The following PPFIBP1 variants were observed in gnomAD, a reference collection of about 807,000 sequenced individuals.
PPFIBP1 encodes the protein PPFIB scaffold protein 1.
PPFIBP1 carries 112 observed loss-of-function variants against 137.8 expected under a neutral mutation model. The ratio of observed to expected loss-of-function variants is 0.81; its 90% CI spans 0.70 to 0.95. PPFIBP1 has a LOEUF of 0.95. Ranked by LOEUF, PPFIBP1 falls within the 40% of genes least tolerant of loss-of-function variation. The pLI is 0.00. For synonymous variants in PPFIBP1, 378 were observed against 417.3 expected (o/e 0.91, Z 1.15); for missense variants, 1,083 against 1,196.6 (o/e 0.91, Z 1.40).
rs992347046 is a variant in PPFIBP1, at chr12:27,533,126, G to A, written c.-124+8761G>A. Among the ~76,000 whole-genome samples the A allele has an allele frequency of 4.6e-5, 7 of 152,138 alleles. No individual in the cohort carries two copies. The East Asian group carries it at 1.4e-3, about 29-fold the overall frequency. ...AGCAATCCTTCTGACTCAGCCTCCC[G>A]AGTAGCTGGAACTACAGGGACATGC... On this transcript the variant is annotated intron_variant, in intron 1 of 29. Transcript: ENST00000228425.
intron 1 of PPFIBP1, chr12:27,548,090 C>G (rs1439840294): frequency 6.6e-6 from 1 of 152,154 alleles, no homozygotes; most frequent in Admixed American, 6.5e-5. Flanking sequence ...AGATCTCCAG[C>G]CTCTTGGAAG....
chr12:27,625,446 A>G (rs2056731846), intron 2 of PPFIBP1, among the ~76,000 whole-genome samples: 1 of 152,148 alleles, frequency 6.6e-6, no homozygotes, highest in Admixed American at 6.5e-5. Flanking sequence ...TCTAAAAAAT[A>G]AGGACTCAAA....
chr12:27,549,342 C>T (rs1946532662), intron 1 of PPFIBP1: 1 of 152,186 alleles, frequency 6.6e-6, no homozygotes, highest in Non-Finnish European at 1.5e-5. Context: ...TCTGACTTCT[C>T]CATCTTTCTA....
intron 17 of PPFIBP1, among the ~76,000 whole-genome samples, chr12:27,674,877 ATTATAAC>A (rs1364552947): frequency 7.1e-6 from 1 of 141,518 alleles, no homozygotes; most frequent in East Asian, 2.1e-4. Flanking sequence ...CAGTGGTGCA[ATTATAAC>A]TCACTGTAGC....
At chr12:27,536,974 G>T in intron 1 of PPFIBP1, among the ~76,000 whole-genome samples, 1 of 151,938 alleles carries the variant, frequency 6.6e-6, no homozygotes, top group East Asian at 1.9e-4. Context: ...GTAGCCTAGG[G>T]GACTCTCTTC....
At chr12:27,665,567 T>C (rs2059808565) in intron 12 of PPFIBP1, among the ~76,000 whole-genome samples, 1 of 152,190 alleles carries the variant, frequency 6.6e-6, no homozygotes, top group African/African-American at 2.4e-5. Flanking sequence ...TGCATTTTGT[T>C]GTGTTTATTA....
intron 2 of PPFIBP1, among the ~76,000 whole-genome samples, chr12:27,581,853 A>AT (rs375401961): frequency 0.017 from 2,607 of 149,608 alleles, 71 homozygotes; most frequent in African/African-American, 0.061. Context: ...TTTCTTTTCC[A>AT]TTTTTTTTTC....
intron 27 of PPFIBP1, among the ~76,000 whole-genome samples, chr12:27,690,827 G>C (rs1190823520): frequency 6.6e-6 from 1 of 151,940 alleles, no homozygotes; most frequent in Non-Finnish European, 1.5e-5. Flanking sequence ...AATGATTGAA[G>C]GTGGGCCAGA....
chr12:27,632,390 G>A (rs1445051340), intron 2 of PPFIBP1, among the ~76,000 whole-genome samples: 11 of 152,088 alleles, frequency 7.2e-5, no homozygotes, highest in African/African-American at 1.2e-4. Flanking sequence ...AGCTTTATTC[G>A]GGTCTATTGG....
intron 7 of PPFIBP1, among the ~76,000 whole-genome samples, chr12:27,652,667 C>A (rs2058944036): frequency 6.6e-6 from 1 of 152,052 alleles, no homozygotes. Context: ...TCCCAGTTTA[C>A]AATTCCATTT....
intron 4 of PPFIBP1, chr12:27,635,721 A>G (rs2057614327): frequency 6.5e-6 from 1 of 153,328 alleles, no homozygotes; most frequent in Non-Finnish European, 1.5e-5. Context: ...TTTAAAAAAA[A>G]AAAATCACAA....
In PPFIBP1 at chr12:27,562,397, T is replaced by G. The variant is rs79191576; in HGVS notation, c.-123-15755T>G. On this transcript the variant is annotated intron_variant, in intron 1 of 29. Coordinates refer to ENST00000228425, the MANE Select transcript of PPFIBP1 (RefSeq NM_003622.4). ...CATTATATCAGGACTAATATTACAT[T>G]GTATGGCTATTTTTGTAATTTTTAC... 2.4e-4 allele frequency among the ~76,000 whole-genome samples: 36 copies of G among 152,382 alleles called. 1 individual carries two copies. In the East Asian group the frequency reaches 6.9e-3, roughly 29 times the overall value.
chr12:27,526,615 C>T (rs1489111140), intron 1 of PPFIBP1, among the ~76,000 whole-genome samples: 2 of 152,130 alleles, frequency 1.3e-5, no homozygotes, highest in Non-Finnish European at 2.9e-5. Flanking sequence ...ACGCAGATCA[C>T]CTGAGGTCAG....
intron 26 of PPFIBP1, 113 bp downstream of exon 26, chr12:27,688,536 C>A: frequency 7.8e-7 from 1 of 1,280,716 alleles, no homozygotes; most frequent in Non-Finnish European, 1.1e-6. Flanking sequence ...CTCAACCCTC[C>A]TGCCCTATTT....
intron 2 of PPFIBP1, among the ~76,000 whole-genome samples, chr12:27,606,740 G>A (rs565632613): frequency 6.6e-6 from 1 of 152,290 alleles, no homozygotes; most frequent in East Asian, 1.9e-4. Context: ...GAATCTTAGA[G>A]TACAAAATGT....
intron 1 of PPFIBP1, among the ~76,000 whole-genome samples, chr12:27,537,811 T>C (rs558907487): frequency 1.1e-4 from 16 of 152,178 alleles, no homozygotes; most frequent in Non-Finnish European, 1.9e-4. Flanking sequence ...TTGGGTTTAC[T>C]CTTAAGGCAG....
At chr12:27,672,527 G>A (rs2060263775) in intron 15 of PPFIBP1, 44 bp downstream of exon 15, 2 of 1,412,246 alleles carry the variant, frequency 1.4e-6, no homozygotes, top group Non-Finnish European at 2.0e-6. Flanking sequence ...ATTGAGGCTA[G>A]AGAAAGAGAG....
rs769553728 is a variant in PPFIBP1 at position 27,674,254 on chromosome 12, A to G, written c.1410+33A>G. On this transcript the variant is annotated intron_variant, in intron 17 of 29. Coordinates refer to ENST00000228425, the MANE Select transcript of PPFIBP1 (RefSeq NM_003622.4). ...TTTGTCCAAATTACAATGCAAAAAT[A>G]TTTCTACTTCCATTACATGTAAATT... is the stretch of plus-strand genomic sequence containing the variant. 6 of 1,539,802 alleles carry G rather than the reference A, an allele frequency of 3.9e-6. No homozygotes were observed. In the South Asian group the frequency reaches 5.9e-5, roughly 15 times the overall value.
chr12:27,674,244 A>G (rs745435976), intron 17 of PPFIBP1, 23 bp downstream of exon 17: 2 of 1,564,608 alleles, frequency 1.3e-6, no homozygotes, highest in East Asian at 2.3e-5. Context: ...CCAAATTACA[A>G]TGCAAAAATA....
Sources: allele counts gnomAD v4.1 joint callset (sites outside exome capture counted in the v4.1 genomes callset), GRCh38; gene constraint gnomAD v4.1.1; transcripts MANE v1.5; gene names NCBI Gene and HGNC (gene_info 2026-07-23, HGNC 2026-07-21).